Variants in GCGR observed in about 807,000 individuals in gnomAD.
GCGR encodes glucagon receptor.
In GCGR, 41 loss-of-function variants were observed where a neutral mutation model predicts 56.1. The observed-to-expected ratio is 0.73, with a 90% CI of 0.57 to 0.95. GCGR has a LOEUF of 0.95. Among genes scored for constraint, GCGR ranks in the 40% least tolerant of loss-of-function variants. The pLI, the probability that GCGR is intolerant of heterozygous loss-of-function variation, is 0.00. For synonymous variants in GCGR, 278 were observed against 271.1 expected, an observed-to-expected ratio of 1.03 and a Z score of -0.25; for missense variants, 595 against 638.2, an observed-to-expected ratio of 0.93 and a Z score of 0.73.
chr17:81,808,733 A>C (rs2038011968), intron 1 of GCGR, 109 bp from the exon 2 acceptor site: 1 of 511,778 alleles, frequency 2.0e-6, no homozygotes, highest in Non-Finnish European at 3.5e-6. Flanking sequence ...GTTAGCCAGG[A>C]TGGTCTCGAT....
rs1449708138 is a variant in GCGR, at chr17:81,805,573, A to G, written c.-178+1324A>G. 2.8e-4 allele frequency among the ~76,000 whole-genome samples: 16 copies of G among 57,744 alleles called. No individual in the cohort carries two copies. In the South Asian group the frequency reaches 8.8e-3, roughly 32 times the overall value. The allele number at this position is 57,744 out of a possible 152,430, so 37.9% of individuals were successfully genotyped here. A position where few individuals can be genotyped will look rare whatever the true frequency, so the allele number is the denominator to read the frequency against. ...CCATTGGGCACCTCGGGAACCCCCC[A>G]CATTGGGCACCTCGGGAACCCCCGC... On this transcript the variant is annotated intron_variant, in intron 1 of 13. Transcript: ENST00000400723.
In GCGR at chr17:81,810,328, C is replaced by T. The variant is rs1333726300; in HGVS notation, c.163+444C>T. 1 of 325,938 alleles carries T rather than the reference C, an allele frequency of 3.1e-6. No homozygotes were observed. Among genetic ancestry groups the T allele is most frequent in the Non-Finnish European group, 5.9e-6 (1 of 168,886 alleles). The allele number at this position is 325,938 out of a possible 1,614,324, so 20.2% of individuals were successfully genotyped here. On this transcript the variant is annotated intron_variant, in intron 3 of 13. Coordinates refer to ENST00000400723, the MANE Select transcript of GCGR (RefSeq NM_000160.5). This position sits in a 1 kb window ranked among gnomAD's most constrained non-coding sequence, Gnocchi z 4.6. ...GGAGGACTCACCCGGGAGGCAGTGC[C>T]TGGGTTCGGATGAGGGAGGCAGCCA...
At chr17:81,805,754 A>G (rs973380451) in intron 1 of GCGR, among the ~76,000 whole-genome samples, 4 of 152,050 alleles carry the variant, frequency 2.6e-5, no homozygotes, top group African/African-American at 9.7e-5. Context: ...CCTGAGAAGG[A>G]GCTTGGTCAC....
At chr17:81,805,081 C>A (rs1426073640) in intron 1 of GCGR, 2 of 152,338 alleles carry the variant, frequency 1.3e-5, no homozygotes, top group African/African-American at 2.4e-5. Flanking sequence ...GGTGCCCTGA[C>A]CTTCCACTAC....
In GCGR at chr17:81,813,377, G is replaced by A. The variant is rs962098166; in HGVS notation, c.1219-97G>A. 5.6e-5 allele frequency: 67 copies of A among 1,187,846 alleles called. 1 individual carries two copies. Among genetic ancestry groups the A allele is most frequent in the East Asian group, 2.3e-4 (9 of 39,134 alleles). The allele number at this position is 1,187,846 out of a possible 1,614,324, so 73.6% of individuals were successfully genotyped here. A position where few individuals can be genotyped will look rare whatever the true frequency, so the allele number is the denominator to read the frequency against. The stretch of plus-strand genomic sequence containing the variant: ...TGTGTCGCTCTGCACCCCTCAGAGC[G>A]GAGACTGGGCATCTCCGATGAGGCC... On this transcript the variant is annotated intron_variant, in intron 13 of 13. Transcript: ENST00000400723. This position sits in a 1 kb window ranked among gnomAD's most constrained non-coding sequence, Gnocchi z 5.3.
chr17:81,806,245 C>A lies in GCGR; in HGVS notation c.-178+1996C>A, dbSNP rs145349423. Among the ~76,000 whole-genome samples the A allele has an allele frequency of 3.1e-3, 466 of 152,252 alleles. 1 individual carries two copies. Among genetic ancestry groups the A allele is most frequent in the Non-Finnish European group, 5.3e-3 (360 of 68,008 alleles). ...CCACCCGCAGGGAACGGAGGACGCT[C>A]ACACTTCTGCACCTCCTGCCTCACT... On this transcript the variant is annotated intron_variant, in intron 1 of 13. Transcript: ENST00000400723. This position sits in a 1 kb window ranked among gnomAD's most constrained non-coding sequence, Gnocchi z 6.5.
Position 81,812,092 on chromosome 17 carries a change from G to A in GCGR, c.879-91G>A, listed in dbSNP as rs1300231883. ...CTTCTCCCTTCCTTTTCTGAGACCC[G>A]AATTAGATCCTGGCAAAATCGGGAC... On this transcript the variant is annotated intron_variant, in intron 9 of 13. Transcript: ENST00000400723. This position sits in a 1 kb window ranked among gnomAD's most constrained non-coding sequence, Gnocchi z 8.5. 15 of 1,503,198 alleles carry A rather than the reference G, an allele frequency of 1.0e-5. No homozygotes were observed. Among genetic ancestry groups the A allele is most frequent in the Middle Eastern group, 1.7e-4 (1 of 5,858 alleles). The allele number at this position is 1,503,198 out of a possible 1,614,324, so 93.1% of individuals were successfully genotyped here.
chr17:81,809,726 T>TCTGTCTGCCTGCCTGC lies in GCGR; in HGVS notation c.61-41_61-40insCCTGTCTGCCTGCCTG, dbSNP rs1555709455. On this transcript the variant is annotated intron_variant, in intron 2 of 13. Coordinates refer to ENST00000400723, the MANE Select transcript of GCGR (RefSeq NM_000160.5). ...GCCTGTCTGCCTGTCTGTCTGCCTG[T>TCTGTCTGCCTGCCTGC]CTGTCTGCCTGCCTGTCTGTCTGTC... 197 of 1,300,574 alleles carry TCTGTCTGCCTGCCTGC rather than the reference T, an allele frequency of 1.5e-4. 2 individuals carry two copies. The African/African-American group carries it at 2.6e-3, about 17-fold the overall frequency. 80.6% of individuals were successfully genotyped at this position (1,300,574 alleles called of 1,614,324 possible).
Position 81,808,878 on chromosome 17 carries a change from C to T in GCGR, c.-141C>T, listed in dbSNP as rs2038015849. The T allele has an allele frequency of 2.0e-6, 2 of 997,462 alleles. No individual in the cohort carries two copies. The highest frequency in any genetic ancestry group is 1.6e-5 in the African/African-American group (1 of 62,772). The allele number at this position is 997,462 out of a possible 1,614,324, so 61.8% of individuals were successfully genotyped here. A position where few individuals can be genotyped will look rare whatever the true frequency, so the allele number is the denominator to read the frequency against. On this transcript the variant is annotated 5_prime_UTR_variant, in exon 2 of 14. Coordinates refer to ENST00000400723, the MANE Select transcript of GCGR (RefSeq NM_000160.5). ...TCAGAGGGGCAGCTTCAGGGGAGGACACCCCACTGGCCAGGACGCCCCAGG... is the reference window on the plus strand; with the variant it reads ...TCAGAGGGGCAGCTTCAGGGGAGGATACCCCACTGGCCAGGACGCCCCAGG...
At chr17:81,807,262 C>G (rs1450648575) in intron 1 of GCGR, among the ~76,000 whole-genome samples, 1 of 152,228 alleles carries the variant, frequency 6.6e-6, no homozygotes, top group African/African-American at 2.4e-5. Context: ...TCACCTGGCT[C>G]AGGAACTGGG....
At position 81,813,926 on chromosome 17, in the gene GCGR, A is replaced by G; in HGVS notation, c.*237A>G. ...GGCGGGAGTGGGGGCTGTGCCGTGA[A>G]CTGCGTGCCAGTGTCCCCACGTATG... On this transcript the variant is annotated 3_prime_UTR_variant, in exon 14 of 14. Coordinates refer to ENST00000400723, the MANE Select transcript of GCGR (RefSeq NM_000160.5). The surrounding 1 kb of genome is among the most constrained non-coding windows in gnomAD (Gnocchi z 5.3). The G allele has an allele frequency of 1.8e-6, 1 of 570,008 alleles. No homozygotes were observed. Among genetic ancestry groups the G allele is most frequent in the Non-Finnish European group, 3.1e-6 (1 of 319,254 alleles). 35.3% of individuals were successfully genotyped at this position (570,008 alleles called of 1,614,324 possible).
At position 81,813,245 on chromosome 17, in the gene GCGR, T is replaced by C. The variant is rs1180767068; in HGVS notation, c.1218+188T>C. On this transcript the variant is annotated intron_variant, in intron 13 of 13. Transcript: ENST00000400723. The surrounding 1 kb of genome is among the most constrained non-coding windows in gnomAD (Gnocchi z 5.3). ...CTGGGTGTCAGGCCCCCAGGACAGG[T>C]TGGCCTCAGCCCCATCGCTACGGTG... Among the ~76,000 whole-genome samples, 4 of 152,146 alleles carry C rather than the reference T, an allele frequency of 2.6e-5. No individual in the cohort carries two copies. Among genetic ancestry groups the C allele is most frequent in the Admixed American group, 6.5e-5 (1 of 15,282 alleles).
In GCGR at chr17:81,812,778, G is replaced by A. The variant is rs144280335; in HGVS notation, c.1038-29G>A. The A allele has an allele frequency of 1.4e-3, 2,113 of 1,535,214 alleles. 28 individuals are homozygous for A. The African/African-American group carries it at 0.024, about 17-fold the overall frequency. ...GATGGTGCGGGCCGAGGGTGGGGGCGGTGGGTGACTCAGGCGCTGCCTCTG... is the reference window on the plus strand; with the variant it reads ...GATGGTGCGGGCCGAGGGTGGGGGCAGTGGGTGACTCAGGCGCTGCCTCTG... On this transcript the variant is annotated intron_variant, in intron 11 of 13. Transcript: ENST00000400723. This position sits in a 1 kb window ranked among gnomAD's most constrained non-coding sequence, Gnocchi z 8.5.
rs1434718027 is a variant in GCGR, at chr17:81,811,520, T to C, written c.617T>C (p.Ile206Thr). ...CTCAGGACCCGCTACAGCCAGAAAA[T>C]TGGCGACGACCTCAGTGTCAGCACC... ...GLLRTRYSQK[I>T]GDDLSVSTWL... Residue 206 changes from isoleucine to threonine, a missense_variant, in exon 7 of 14, where the codon ATT becomes ACT. Coordinates refer to ENST00000400723, the MANE Select transcript of GCGR (RefSeq NM_000160.5). The surrounding 1 kb of genome is among the most constrained non-coding windows in gnomAD (Gnocchi z 5.8). The C allele has an allele frequency of 7.8e-6, 12 of 1,536,542 alleles. No individual in the cohort carries two copies. The highest frequency in any genetic ancestry group is 1.7e-4 in the Middle Eastern group (1 of 5,990).
chr17:81,805,689 C>T (rs1016949193), intron 1 of GCGR, among the ~76,000 whole-genome samples: 3 of 151,964 alleles, frequency 2.0e-5, no homozygotes, highest in Admixed American at 1.3e-4. Flanking sequence ...CCTCGGGAAC[C>T]CCCCCTATTG....
Position 81,806,047 on chromosome 17 carries a change from G to T in GCGR, c.-178+1798G>T, listed in dbSNP as rs1014749624. On this transcript the variant is annotated intron_variant, in intron 1 of 13. Transcript: ENST00000400723. This position sits in a 1 kb window ranked among gnomAD's most constrained non-coding sequence, Gnocchi z 6.5. ...GTGTCACCTTCAGTGATGGGGCAGG[G>T]TCCCCACTTGGGAAGTTAAATCGTC... is the stretch of plus-strand genomic sequence containing the variant. 1.3e-5 allele frequency among the ~76,000 whole-genome samples: 2 copies of T among 152,120 alleles called. No individual in the cohort carries two copies. The highest frequency in any genetic ancestry group is 2.4e-5 in the African/African-American group (1 of 41,410).
In GCGR at chr17:81,811,152, C is replaced by T. The variant is rs1322506269; in HGVS notation, c.393+21C>T. The stretch of plus-strand genomic sequence containing the variant: ...TCCAGGTCAGTGGGCGGCAGGCAGG[C>T]GCGGTGGGGCTGGATGGGAACGGGC... On this transcript the variant is annotated intron_variant, in intron 5 of 13. Transcript: ENST00000400723. This position sits in a 1 kb window ranked among gnomAD's most constrained non-coding sequence, Gnocchi z 5.8. 9.1e-6 allele frequency: 14 copies of T among 1,535,968 alleles called. No individual in the cohort carries two copies. Among genetic ancestry groups the T allele is most frequent in the Non-Finnish European group, 1.1e-5 (13 of 1,146,784 alleles).
chr17:81,809,878 C>T lies in GCGR; in HGVS notation c.157C>T (p.Pro53Ser). 6.5e-7 allele frequency: 1 copy of T among 1,534,644 alleles called. No individual in the cohort carries two copies. Among genetic ancestry groups the T allele is most frequent in the South Asian group, 1.2e-5 (1 of 84,022 alleles). The change falls in exon 3 of 14, where the codon CCC becomes TCC. Residue 53 changes from proline to serine, a missense_variant. Coordinates refer to ENST00000400723, the MANE Select transcript of GCGR (RefSeq NM_000160.5). ...CCACAACCTGAGCCTGCTGCCCCCT[C>T]CCACGGGTGAGCCCCCCACCCAGAG... The part of the protein sequence containing the change: ...CHHNLSLLPP[P>S]TELVCNRTFD...
At position 81,808,986 on chromosome 17, in the gene GCGR, C is replaced by T. The variant is rs1001195201; in HGVS notation, c.-33C>T. 3.9e-6 allele frequency: 6 copies of T among 1,535,358 alleles called. No homozygotes were observed. Among genetic ancestry groups the T allele is most frequent in the Non-Finnish European group, 5.2e-6 (6 of 1,146,576 alleles). On this transcript the variant is annotated 5_prime_UTR_variant, in exon 2 of 14. Transcript: ENST00000400723. ...CATTGCCCCAGCTGTGCAGCCCCTGCCAGATGTGGGAGGCAGCTAGCTGCC... is the reference window on the plus strand; with the variant it reads ...CATTGCCCCAGCTGTGCAGCCCCTGTCAGATGTGGGAGGCAGCTAGCTGCC...
Sources: allele counts gnomAD v4.1 joint callset (sites outside exome capture counted in the v4.1 genomes callset), GRCh38; gene constraint gnomAD v4.1.1; non-coding constraint Gnocchi (gnomAD v3.1); transcripts MANE v1.5; gene names NCBI Gene and HGNC (gene_info 2026-07-23, HGNC 2026-07-21).